SNX29: variants seen among roughly 807,000 people sequenced by gnomAD.
SNX29 encodes sorting nexin-29.
Under a neutral mutation model 102.1 loss-of-function variants are expected in SNX29, and 78 were observed. That is an observed-to-expected ratio of 0.76 (90% CI 0.64 to 0.92). The LOEUF (loss-of-function observed/expected upper bound fraction) is 0.92. Among genes scored for constraint, SNX29 ranks in the 40% least tolerant of loss-of-function variants. The probability of loss-of-function intolerance (pLI) is 0.00; values close to 1 mark genes in which losing one functional copy is unlikely to be tolerated. For synonymous variants in SNX29, 580 were observed against 414.5 expected (o/e 1.40, Z -4.85); for missense variants, 1,280 against 1,061.7 (o/e 1.21, Z -2.86).
At chr16:12,159,143 A>G (rs1309614207) in intron 13 of SNX29, among the ~76,000 whole-genome samples, 2 of 152,246 alleles carry the variant, frequency 1.3e-5, no homozygotes, top group East Asian at 1.9e-4. Context: ...CACCCGTCTA[A>G]CAAAGGGTTT....
intron 10 of SNX29, among the ~76,000 whole-genome samples, chr16:12,077,699 C>G (rs1567185135): frequency 6.6e-6 from 1 of 152,104 alleles, no homozygotes; most frequent in Non-Finnish European, 1.5e-5. Flanking sequence ...TGGCTCACTG[C>G]AACCTCTGTT....
intron 16 of SNX29, among the ~76,000 whole-genome samples, chr16:12,366,041 T>TAAA (rs2082465741): frequency 7.8e-5 from 1 of 12,748 alleles, no homozygotes; most frequent in African/African-American, 1.4e-4. Flanking sequence ...GACTCTTGTC[T>TAAA]CAAAAAAAAA....
chr16:12,080,198 G>C (rs139288661), intron 11 of SNX29, among the ~76,000 whole-genome samples: 2 of 152,286 alleles, frequency 1.3e-5, no homozygotes, highest in East Asian at 3.9e-4. Context: ...CTTGGCTGCA[G>C]AGGGGGCAAT....
intron 20 of SNX29, among the ~76,000 whole-genome samples, chr16:12,550,703 C>T (rs1246672747): frequency 6.6e-6 from 1 of 152,184 alleles, no homozygotes; most frequent in Non-Finnish European, 1.5e-5. Flanking sequence ...TCACCCCCCT[C>T]ATGCTCTTAT....
At chr16:11,985,336 C>T (rs148695752) in intron 1 of SNX29, among the ~76,000 whole-genome samples, 41 of 152,196 alleles carry the variant, frequency 2.7e-4, no homozygotes, top group African/African-American at 9.6e-4. Flanking sequence ...TTGTTGGGAC[C>T]GTGCTGAGTG....
At chr16:12,544,239 G>A (rs1004307646) in intron 20 of SNX29, among the ~76,000 whole-genome samples, 1 of 151,048 alleles carries the variant, frequency 6.6e-6, no homozygotes, top group Admixed American at 6.6e-5. Context: ...CACCAAGATT[G>A]AAACTAACTT....
chr16:12,175,521 C>T (rs975137134), intron 13 of SNX29, among the ~76,000 whole-genome samples: 4 of 151,972 alleles, frequency 2.6e-5, no homozygotes, highest in Non-Finnish European at 4.4e-5. Context: ...GATGGTGGTA[C>T]ACACCTGTAA....
At chr16:12,303,587 T>C (rs2080249891) in intron 15 of SNX29, among the ~76,000 whole-genome samples, 1 of 152,312 alleles carries the variant, frequency 6.6e-6, no homozygotes, top group South Asian at 2.1e-4. Flanking sequence ...GGCAAGGGCA[T>C]GGTAACCATA....
chr16:12,358,605 T>A (rs2082210613), intron 16 of SNX29, among the ~76,000 whole-genome samples: 2 of 152,248 alleles, frequency 1.3e-5, no homozygotes, highest in South Asian at 4.1e-4. Context: ...ACCCCTATTG[T>A]CTGATTGTAG....
chr16:12,135,237 G>A (rs1210189858), intron 13 of SNX29, among the ~76,000 whole-genome samples: 1 of 152,236 alleles, frequency 6.6e-6, no homozygotes, highest in Non-Finnish European at 1.5e-5. Context: ...CTGAGAAATT[G>A]TGTTGATCTA....
intron 13 of SNX29, among the ~76,000 whole-genome samples, chr16:12,161,171 A>G (rs1222818282): frequency 6.6e-6 from 1 of 152,190 alleles, no homozygotes; most frequent in East Asian, 1.9e-4. Flanking sequence ...TACTATCTCA[A>G]TTCATGGCCC....
At chr16:12,353,818 A>G (rs80031475) in intron 15 of SNX29, among the ~76,000 whole-genome samples, 1 of 152,188 alleles carries the variant, frequency 6.6e-6, no homozygotes, top group African/African-American at 2.4e-5. Context: ...TTTACTCTTA[A>G]AGCAGTGGAA....
intron 20 of SNX29, among the ~76,000 whole-genome samples, chr16:12,552,907 G>A (rs1001843407): frequency 6.6e-6 from 1 of 152,258 alleles, no homozygotes; most frequent in African/African-American, 2.4e-5. Flanking sequence ...GATAGGCAAG[G>A]GCAGCAGAGC....
chr16:12,530,397 A>C (rs1236342730), intron 20 of SNX29, among the ~76,000 whole-genome samples: 1 of 152,148 alleles, frequency 6.6e-6, no homozygotes, highest in African/African-American at 2.4e-5. Flanking sequence ...CTAAAACACT[A>C]CAGAAAGAAG....
intron 20 of SNX29, among the ~76,000 whole-genome samples, chr16:12,567,073 G>C (rs892622500): frequency 1.5e-4 from 23 of 152,250 alleles, no homozygotes; most frequent in African/African-American, 5.5e-4. Context: ...AGGGAACCCT[G>C]CAGGGATCCT....
chr16:12,229,557 A>C (rs1465437982), intron 14 of SNX29, among the ~76,000 whole-genome samples: 1 of 151,372 alleles, frequency 6.6e-6, no homozygotes, highest in East Asian at 1.9e-4. Context: ...CCTTCTTCCT[A>C]CCATTTTTCA....
intron 19 of SNX29, among the ~76,000 whole-genome samples, chr16:12,502,644 G>C (rs1435355114): frequency 1.3e-5 from 2 of 152,104 alleles, no homozygotes; most frequent in African/African-American, 4.8e-5. Context: ...CTTATCCTGG[G>C]GTCTGAGGAT....
At chr16:12,179,434 T>C (rs1198734670) in intron 13 of SNX29, among the ~76,000 whole-genome samples, 1 of 152,228 alleles carries the variant, frequency 6.6e-6, no homozygotes, top group African/African-American at 2.4e-5. Flanking sequence ...GAATGAGCCA[T>C]GATGGCGCCA....
In SNX29 at chr16:12,429,252, A is replaced by G. The variant is rs114319235; in HGVS notation, c.2037+25723A>G. Among the ~76,000 whole-genome samples, 558 of 152,326 alleles carry G rather than the reference A, an allele frequency of 3.7e-3. 6 individuals are homozygous for G. Among genetic ancestry groups the G allele is most frequent in the African/African-American group, 0.013 (525 of 41,580 alleles). On this transcript the variant is annotated intron_variant, in intron 18 of 20. Transcript: ENST00000566228. ...CAACACACAGATATGATTACAATTA[A>G]TATCTCCTTCTAGTTAGTCCCACCA...
Sources: gnomAD v4.1 joint callset for allele counts (sites outside exome capture counted in the v4.1 genomes callset) on GRCh38, gnomAD v4.1.1 for gene constraint, MANE v1.5 for transcripts, NCBI Gene and HGNC (gene_info 2026-07-23, HGNC 2026-07-21) for gene names.